Variants in CDH20 observed in about 807,000 individuals in gnomAD.
CDH20 encodes cadherin-20.
In CDH20, 29 loss-of-function variants were observed where a neutral mutation model predicts 74.2. That is an observed-to-expected ratio of 0.39 (90% confidence interval 0.29 to 0.53). The LOEUF (loss-of-function observed/expected upper bound fraction) is 0.53. Ranked by LOEUF, CDH20 falls within the 20% of genes least tolerant of loss-of-function variation. CDH20 has a pLI of 0.69. For missense variants in CDH20, 988 were observed against 1,048.3 expected (o/e 0.94, Z 0.79); for synonymous variants, 469 against 405.4 (o/e 1.16, Z -1.88).
intron 1 of CDH20, among the ~76,000 whole-genome samples, chr18:61,421,786 GGATA>G (rs746011621): frequency 1.6e-4 from 25 of 151,970 alleles, no homozygotes; most frequent in African/African-American, 2.4e-4. Context: ...TAAACCAGAT[GGATA>G]GATAGATAGA....
chr18:61,499,529 T>A (rs62098154), intron 3 of CDH20, 49 bp downstream of exon 3: 3 of 1,046,296 alleles, frequency 2.9e-6, no homozygotes, highest in Non-Finnish European at 4.3e-6. Flanking sequence ...CCTATATATA[T>A]ACACACACAC....
At chr18:61,415,323 A>G (rs745764517) in intron 1 of CDH20, among the ~76,000 whole-genome samples, 1 of 152,138 alleles carries the variant, frequency 6.6e-6, no homozygotes, top group Non-Finnish European at 1.5e-5. Context: ...ATAATGAAAA[A>G]CTTATTTAAC....
chr18:61,335,639 G>A (rs971914403), intron 1 of CDH20, among the ~76,000 whole-genome samples: 4 of 152,102 alleles, frequency 2.6e-5, no homozygotes, highest in East Asian at 1.9e-4. Context: ...TCTGATTTTC[G>A]CTCTCTGCAG....
chr18:61,424,078 C>T (rs986462331), intron 1 of CDH20, among the ~76,000 whole-genome samples: 4 of 152,210 alleles, frequency 2.6e-5, no homozygotes, highest in African/African-American at 9.6e-5. Context: ...GTCTTCAACT[C>T]ATGTTTGTTT....
chr18:61,444,403 T>C (rs1909131027), intron 1 of CDH20, among the ~76,000 whole-genome samples: 1 of 152,216 alleles, frequency 6.6e-6, no homozygotes, highest in African/African-American at 2.4e-5. Flanking sequence ...TTTGTTTTTA[T>C]GTCCAGACCA....
chr18:61,555,732 TC>T lies in CDH20; in HGVS notation c.*1038del. The stretch of plus-strand genomic sequence containing the variant: ...TTGGTAATAAATATGATGTACTGCA[TC>T]TCAGTACCTTAGCACTTCTTTTAAT... On this transcript the variant is annotated 3_prime_UTR_variant, in exon 12 of 12. Transcript: ENST00000262717. 1 of 948,824 alleles carries T rather than the reference TC, an allele frequency of 1.1e-6. No homozygotes were observed. Among genetic ancestry groups the T allele is most frequent in the Non-Finnish European group, 1.3e-6 (1 of 796,436 alleles). The allele number at this position is 948,824 out of a possible 1,614,324, so 58.8% of individuals were successfully genotyped here.
intron 1 of CDH20, among the ~76,000 whole-genome samples, chr18:61,444,246 C>T (rs1006637330): frequency 5.9e-5 from 9 of 152,036 alleles, no homozygotes; most frequent in African/African-American, 2.2e-4. Context: ...ATAGTAGATA[C>T]TCAGTAAATG....
intron 1 of CDH20, among the ~76,000 whole-genome samples, chr18:61,425,940 C>T (rs773970141): frequency 3.9e-5 from 6 of 152,218 alleles, no homozygotes; most frequent in Admixed American, 6.5e-5. Context: ...ATTGTTAAGA[C>T]GGCAACACTC....
At chr18:61,523,674 G>A (rs978027015) in intron 6 of CDH20, among the ~76,000 whole-genome samples, 7 of 152,140 alleles carry the variant, frequency 4.6e-5, no homozygotes, top group Non-Finnish European at 8.8e-5. Flanking sequence ...CAACCCAAAT[G>A]CCCATCAATG....
At chr18:61,395,141 C>T (rs1164470620) in intron 1 of CDH20, among the ~76,000 whole-genome samples, 1 of 151,944 alleles carries the variant, frequency 6.6e-6, no homozygotes, top group Non-Finnish European at 1.5e-5. Context: ...GCTCTCTGTC[C>T]CCTGGCCATA....
chr18:61,411,495 GAACC>G (rs1303223555), intron 1 of CDH20, among the ~76,000 whole-genome samples: 1 of 150,962 alleles, frequency 6.6e-6, no homozygotes, highest in African/African-American at 2.4e-5. Flanking sequence ...CAAAAACGTG[GAACC>G]AACCCAAATG....
intron 7 of CDH20, among the ~76,000 whole-genome samples, chr18:61,536,134 C>A (rs565179284): frequency 6.6e-6 from 1 of 152,258 alleles, no homozygotes; most frequent in Admixed American, 6.5e-5. Flanking sequence ...GAATACAATT[C>A]TTTTTAAACA....
intron 1 of CDH20, among the ~76,000 whole-genome samples, chr18:61,347,672 T>A (rs537349007): frequency 6.6e-6 from 1 of 152,132 alleles, no homozygotes; most frequent in Admixed American, 6.6e-5. Flanking sequence ...TGACTAGCTG[T>A]CAACAAAGAT....
chr18:61,522,631 A>T (rs1181622005), intron 6 of CDH20, among the ~76,000 whole-genome samples: 2 of 152,346 alleles, frequency 1.3e-5, no homozygotes, highest in African/African-American at 4.8e-5. Context: ...AAAATAACAA[A>T]GCTGGAGGCA....
In CDH20 at chr18:61,487,570, T is replaced by A. The variant is rs193111910; in HGVS notation, c.-152-2832T>A. Among the ~76,000 whole-genome samples the A allele has an allele frequency of 3.3e-5, 5 of 152,248 alleles. No homozygotes were observed. The East Asian group carries it at 9.7e-4, about 29-fold the overall frequency. ...TGATTTGGGGTGTGTAAAGGTACCA[T>A]CAGCTTTCACAGAATCACCAAGGGC... On this transcript the variant is annotated intron_variant, in intron 1 of 11. Coordinates refer to ENST00000262717, the MANE Select transcript of CDH20 (RefSeq NM_031891.4).
At chr18:61,336,570 C>A (rs552821728) in intron 1 of CDH20, among the ~76,000 whole-genome samples, 7 of 152,182 alleles carry the variant, frequency 4.6e-5, no homozygotes, top group Admixed American at 1.3e-4. Flanking sequence ...TTATTGAATG[C>A]CTTTTGAGCT....
chr18:61,464,829 C>T (rs1909910703), intron 1 of CDH20, among the ~76,000 whole-genome samples: 1 of 152,156 alleles, frequency 6.6e-6, no homozygotes, highest in Non-Finnish European at 1.5e-5. Context: ...TGAACCAAGC[C>T]CAGAGCTGAC....
Position 61,350,426 on chromosome 18 carries a change from A to C in CDH20, c.-153+16599A>C, listed in dbSNP as rs1910265615. Among the ~76,000 whole-genome samples the C allele has an allele frequency of 2.0e-5, 3 of 152,044 alleles. No homozygotes were observed. In the South Asian group the frequency reaches 6.2e-4, roughly 32 times the overall value. The stretch of plus-strand genomic sequence containing the variant: ...CAGGACTTCCAGCGGTCTTGAGTTA[A>C]TATATCATGGTAATTATGTAGATGG... On this transcript the variant is annotated intron_variant, in intron 1 of 11. Transcript: ENST00000262717.
chr18:61,527,959 C>A lies in CDH20; in HGVS notation c.1018-8C>A. The A allele has an allele frequency of 6.2e-7, 1 of 1,613,662 alleles. No homozygotes were observed. The highest frequency in any genetic ancestry group is 8.5e-7 in the Non-Finnish European group (1 of 1,179,712). ...TGGCGAATCAATTTTCCTGTCATTG[C>A]TTTTCAGCCCCTGAGTTTTGAAAGC... On this transcript the variant is annotated splice_polypyrimidine_tract_variant and splice_region_variant and intron_variant, in intron 6 of 11. Coordinates refer to ENST00000262717, the MANE Select transcript of CDH20 (RefSeq NM_031891.4).
Sources: gnomAD v4.1 joint callset for allele counts (sites outside exome capture counted in the v4.1 genomes callset) on GRCh38, gnomAD v4.1.1 for gene constraint, MANE v1.5 for transcripts, NCBI Gene and HGNC (gene_info 2026-07-23, HGNC 2026-07-21) for gene names.